CSMD1: variants seen among roughly 807,000 people sequenced by gnomAD.
The protein encoded by CSMD1 is CUB and Sushi multiple domains 1.
In CSMD1, 213 loss-of-function variants were observed where a neutral mutation model predicts 417.5. The ratio of observed to expected loss-of-function variants is 0.51; its 90% CI spans 0.46 to 0.57. The LOEUF (loss-of-function observed/expected upper bound fraction) is 0.57. CSMD1 is among the 20% of genes least tolerant of loss of function. The pLI, the probability that CSMD1 is intolerant of heterozygous loss-of-function variation, is 0.00. For missense variants in CSMD1, 6,923 were observed against 4,529.7 expected, an observed-to-expected ratio of 1.53 and a Z score of -15.17; for synonymous variants, 2,862 against 1,736.8, an observed-to-expected ratio of 1.65 and a Z score of -16.11.
At chr8:4,024,650 C>T (rs1199955918) in intron 4 of CSMD1, among the ~76,000 whole-genome samples, 1 of 152,086 alleles carries the variant, frequency 6.6e-6, no homozygotes, top group Non-Finnish European at 1.5e-5. Flanking sequence ...ATTTATGGGC[C>T]TCAGCATATT....
intron 3 of CSMD1, among the ~76,000 whole-genome samples, chr8:4,091,195 G>A (rs1743331740): frequency 2.0e-5 from 3 of 151,976 alleles, no homozygotes; most frequent in Middle Eastern, 3.4e-3. Context: ...CTGGGATTAC[G>A]GGCTTGAACC....
intron 3 of CSMD1, among the ~76,000 whole-genome samples, chr8:4,206,884 G>T (rs893635302): frequency 6.6e-6 from 1 of 152,054 alleles, no homozygotes; most frequent in Non-Finnish European, 1.5e-5. Flanking sequence ...TTTTTCCATA[G>T]TTCAGAAACT....
At chr8:4,702,719 C>T (rs992440473) in intron 1 of CSMD1, among the ~76,000 whole-genome samples, 4 of 152,016 alleles carry the variant, frequency 2.6e-5, no homozygotes, top group African/African-American at 4.8e-5. Context: ...AAAATTCTAC[C>T]GTGTAGAGTT....
Position 2,936,481 on chromosome 8 carries a change from A to G in CSMD1, c.*2104T>C, listed in dbSNP as rs1056137968. 1 of 151,774 alleles carries G rather than the reference A, an allele frequency of 6.6e-6. No individual in the cohort carries two copies. Among genetic ancestry groups the G allele is most frequent in the African/African-American group, 2.4e-5 (1 of 41,284 alleles). The allele number at this position is 151,774 out of a possible 1,614,324, so 9.4% of individuals were successfully genotyped here. On this transcript the variant is annotated 3_prime_UTR_variant, in exon 70 of 70. Transcript: ENST00000635120. The stretch of plus-strand genomic sequence containing the variant: ...TTTCAATCATCTTCTGTTTCGTTCA[A>G]TGTGTGTGTTAGGAGCACGACTCCC...
At chr8:4,279,711 T>C (rs1223425578) in intron 3 of CSMD1, among the ~76,000 whole-genome samples, 1 of 152,176 alleles carries the variant, frequency 6.6e-6, no homozygotes, top group African/African-American at 2.4e-5. Flanking sequence ...CTTCTATTTG[T>C]CATTCATTGC....
chr8:3,692,445 AT>A (rs34507049), intron 7 of CSMD1, among the ~76,000 whole-genome samples: 44,428 of 147,360 alleles, frequency 0.3, 7,431 homozygotes, highest in South Asian at 0.41. Context: ...TTTAACAATA[AT>A]TTTTTTTTTT....
At chr8:3,988,210 A>T (rs2130257070) in intron 5 of CSMD1, among the ~76,000 whole-genome samples, 1 of 152,234 alleles carries the variant, frequency 6.6e-6, no homozygotes, top group East Asian at 1.9e-4. Context: ...GAGTCTGTGA[A>T]TCCTAAATCT....
At chr8:3,232,063 C>T (rs1210431447) in intron 26 of CSMD1, among the ~76,000 whole-genome samples, 3 of 152,208 alleles carry the variant, frequency 2.0e-5, no homozygotes, top group African/African-American at 7.2e-5. Context: ...TCTGTGCTAC[C>T]AACTCTAAGC....
At chr8:3,588,298 A>AC (rs1401560680) in intron 8 of CSMD1, among the ~76,000 whole-genome samples, 2 of 147,408 alleles carry the variant, frequency 1.4e-5, no homozygotes, top group African/African-American at 2.5e-5. Context: ...AAGAAAGAAA[A>AC]AAATAACCAA....
chr8:3,214,220 G>C (rs368081568), intron 30 of CSMD1, among the ~76,000 whole-genome samples: 1 of 151,994 alleles, frequency 6.6e-6, no homozygotes, highest in Non-Finnish European at 1.5e-5. Context: ...CTCTTATAAA[G>C]AACAGATCTA....
intron 25 of CSMD1, among the ~76,000 whole-genome samples, chr8:3,287,838 T>C (rs1584934424): frequency 6.6e-6 from 1 of 150,968 alleles, no homozygotes; most frequent in East Asian, 1.9e-4. Flanking sequence ...TCCAACACTA[T>C]GTTGAATAGG....
At chr8:4,661,564 A>C (rs2724960) in intron 1 of CSMD1, among the ~76,000 whole-genome samples, 9 of 152,168 alleles carry the variant, frequency 5.9e-5, no homozygotes, top group African/African-American at 2.4e-5. Flanking sequence ...TGTATCTCCA[A>C]TGTGTTCATC....
At chr8:4,177,205 A>C (rs966624883) in intron 3 of CSMD1, among the ~76,000 whole-genome samples, 4 of 152,200 alleles carry the variant, frequency 2.6e-5, no homozygotes, top group African/African-American at 9.7e-5. Flanking sequence ...GCAAATGTAA[A>C]AGAAGAGAAA....
At chr8:4,576,357 G>C (rs1207912496) in intron 2 of CSMD1, among the ~76,000 whole-genome samples, 2 of 152,228 alleles carry the variant, frequency 1.3e-5, no homozygotes, top group Non-Finnish European at 2.9e-5. Context: ...CTTCAGGGGA[G>C]AGTCAGAGGC....
chr8:4,289,458 C>G (rs1797240677), intron 3 of CSMD1, among the ~76,000 whole-genome samples: 1 of 152,244 alleles, frequency 6.6e-6, no homozygotes, highest in South Asian at 2.1e-4. Flanking sequence ...ATGACTCCAT[C>G]AAGTCCAGTA....
chr8:4,481,090 T>G (rs1002051167), intron 2 of CSMD1, among the ~76,000 whole-genome samples: 9 of 152,234 alleles, frequency 5.9e-5, no homozygotes, highest in Non-Finnish European at 7.3e-5. Flanking sequence ...AGTAGGAAAC[T>G]GCCTTTTCCA....
At chr8:3,275,748 C>T (rs553900382) in intron 26 of CSMD1, among the ~76,000 whole-genome samples, 41 of 152,306 alleles carry the variant, frequency 2.7e-4, no homozygotes, top group Middle Eastern at 3.4e-3. Flanking sequence ...GCATTCTTCA[C>T]GTAGTTCTGG....
chr8:4,066,941 T>G (rs939528699), intron 3 of CSMD1, among the ~76,000 whole-genome samples: 4 of 152,234 alleles, frequency 2.6e-5, no homozygotes, highest in Admixed American at 2.6e-4. Context: ...ATTTGTATTG[T>G]GTAAATACCC....
intron 5 of CSMD1, among the ~76,000 whole-genome samples, chr8:3,858,105 C>A (rs1804441711): frequency 6.6e-6 from 1 of 152,204 alleles, no homozygotes; most frequent in Non-Finnish European, 1.5e-5. Context: ...ATTTTAATAA[C>A]ATAGTCAAAT....
Sources: gnomAD v4.1 joint callset for allele counts (sites outside exome capture counted in the v4.1 genomes callset) on GRCh38, gnomAD v4.1.1 for gene constraint, MANE v1.5 for transcripts, NCBI Gene and HGNC (gene_info 2026-07-23, HGNC 2026-07-21) for gene names.